Variants in ESRRB observed in about 807,000 individuals in gnomAD.
ESRRB encodes estrogen related receptor beta.
In ESRRB, 16 loss-of-function variants were observed where a neutral mutation model predicts 46.0. The ratio of observed to expected loss-of-function variants is 0.35; its 90% CI spans 0.24 to 0.53. The LOEUF (loss-of-function observed/expected upper bound fraction) is 0.53, where lower values mean the gene tolerates loss of function less well. Among genes scored for constraint, ESRRB ranks in the 20% least tolerant of loss-of-function variants. ESRRB has a pLI of 0.93. For synonymous variants in ESRRB, 246 were observed against 259.6 expected, an observed-to-expected ratio of 0.95 and a Z score of 0.50; for missense variants, 488 against 607.4, an observed-to-expected ratio of 0.80 and a Z score of 2.07.
chr14:76,418,751 G>A (rs1331721892), intron 1 of ESRRB, among the ~76,000 whole-genome samples: 1 of 152,086 alleles, frequency 6.6e-6, no homozygotes, highest in East Asian at 1.9e-4. Flanking sequence ...TAGTAGCTAG[G>A]ATTACGGGTG....
At chr14:76,395,601 A>G (rs1202761836) in intron 1 of ESRRB, among the ~76,000 whole-genome samples, 2 of 152,148 alleles carry the variant, frequency 1.3e-5, no homozygotes, top group South Asian at 2.1e-4. Flanking sequence ...AAGTGGGAAT[A>G]AGAATCCTTC....
chr14:76,346,310 T>C (rs1351947185), intron 1 of ESRRB, among the ~76,000 whole-genome samples: 1 of 152,270 alleles, frequency 6.6e-6, no homozygotes. Flanking sequence ...GGAACTGCTA[T>C]GTGTCCTAAG....
At chr14:76,479,192 C>T (rs1889703378) in intron 3 of ESRRB, among the ~76,000 whole-genome samples, 2 of 151,866 alleles carry the variant, frequency 1.3e-5, no homozygotes, top group African/African-American at 4.8e-5. Flanking sequence ...ACTGCTCCTG[C>T]CCACACCTAC....
chr14:76,353,778 G>T (rs12888057), intron 1 of ESRRB, among the ~76,000 whole-genome samples: 4 of 151,674 alleles, frequency 2.6e-5, no homozygotes, highest in Non-Finnish European at 5.9e-5. Context: ...ATAGTGAGAC[G>T]CTATGTCTCA....
chr14:76,456,932 C>A (rs1175395588), intron 2 of ESRRB, among the ~76,000 whole-genome samples: 1 of 152,166 alleles, frequency 6.6e-6, no homozygotes, highest in Admixed American at 6.5e-5. Context: ...CACCCCAGCC[C>A]TTTCACACCA....
intron 3 of ESRRB, among the ~76,000 whole-genome samples, chr14:76,468,409 C>CG: frequency 9.6e-6 from 1 of 104,602 alleles, no homozygotes; most frequent in African/African-American, 4.0e-5. Flanking sequence ...CCAACACCAC[C>CG]ACCCCCCAAA....
chr14:76,489,716 C>T (rs953819949), intron 5 of ESRRB, among the ~76,000 whole-genome samples: 12 of 152,112 alleles, frequency 7.9e-5, no homozygotes, highest in Admixed American at 3.9e-4. Flanking sequence ...CCAGGAGTGA[C>T]CCCTAAGGTT....
chr14:76,445,736 G>T (rs80299637), intron 2 of ESRRB, among the ~76,000 whole-genome samples: 7,552 of 149,042 alleles, frequency 0.051, 618 homozygotes, highest in African/African-American at 0.18. Flanking sequence ...CCAGGCTGGA[G>T]TTCAGTGGAG....
chr14:76,493,329 A>C (rs1463717385), intron 6 of ESRRB, among the ~76,000 whole-genome samples: 1 of 151,842 alleles, frequency 6.6e-6, no homozygotes, highest in African/African-American at 2.4e-5. Flanking sequence ...TAATTTTTGT[A>C]TTTTTAGTAG....
At chr14:76,404,100 G>T (rs1485538053) in intron 1 of ESRRB, among the ~76,000 whole-genome samples, 7 of 152,094 alleles carry the variant, frequency 4.6e-5, no homozygotes, top group African/African-American at 1.7e-4. Flanking sequence ...TGTGCTTTCT[G>T]TCTATCTGCT....
At position 76,501,652 on chromosome 14, in the gene ESRRB, T is replaced by C. The variant is rs564405094; in HGVS notation, c.*3194T>C. On this transcript the variant is annotated 3_prime_UTR_variant, in exon 7 of 7. Transcript: ENST00000644823. The stretch of plus-strand genomic sequence containing the variant: ...GTTTTATTTTCTAATAATGATAATA[T>C]GGCTGGAATGGCTTCTTAAGATGTA... 1.3e-5 allele frequency: 2 copies of C among 152,322 alleles called. No homozygotes were observed. The highest frequency in any genetic ancestry group is 4.8e-5 in the African/African-American group (2 of 41,568). 9.4% of individuals were successfully genotyped at this position (152,322 alleles called of 1,614,324 possible).
intron 1 of ESRRB, among the ~76,000 whole-genome samples, chr14:76,384,143 C>A (rs991979601): frequency 6.6e-6 from 1 of 152,008 alleles, no homozygotes; most frequent in Non-Finnish European, 1.5e-5. Context: ...GCATGCAGAG[C>A]GCAGTATTTA....
chr14:76,363,543 T>G (rs1353710563), intron 1 of ESRRB, among the ~76,000 whole-genome samples: 1 of 152,218 alleles, frequency 6.6e-6, no homozygotes, highest in Non-Finnish European at 1.5e-5. Flanking sequence ...TTATATTCCT[T>G]TTCTCATTTT....
chr14:76,367,949 C>CTTTTTT (rs778235037), upstream of ESRRB, among the ~76,000 whole-genome samples: 11 of 95,284 alleles, frequency 1.2e-4, no homozygotes, highest in Admixed American at 2.7e-4. Context: ...TTCCAGTTTG[C>CTTTTTT]TTTTTTTTTT....
At chr14:76,456,645 C>G (rs74068681) in intron 2 of ESRRB, among the ~76,000 whole-genome samples, 10,007 of 152,206 alleles carry the variant, frequency 0.066, 778 homozygotes, top group African/African-American at 0.2. Flanking sequence ...GTAAGAGGAA[C>G]AGGCTGGATG....
chr14:76,332,610 A>T lies in ESRRB; in HGVS notation c.2+21694A>T, dbSNP rs866856701. On this transcript the variant is annotated intron_variant, in intron 1 of 6. Transcript: ENST00000512784. ...TTTATATATTATATATTATATATTT[A>T]TATATTATATAAATATATATTATAT... 3.8e-4 allele frequency among the ~76,000 whole-genome samples: 17 copies of T among 44,744 alleles called. No homozygotes were observed. The South Asian group carries it at 8.1e-3, about 21-fold the overall frequency. The allele number at this position is 44,744 out of a possible 152,430, so 29.4% of individuals were successfully genotyped here.
At chr14:76,345,750 G>A (rs1181939759) in intron 1 of ESRRB, among the ~76,000 whole-genome samples, 1 of 152,252 alleles carries the variant, frequency 6.6e-6, no homozygotes, top group Non-Finnish European at 1.5e-5. Context: ...CTGCTCTGTA[G>A]AGGAGGAGTT....
At chr14:76,318,520 G>A (rs1192621772) in intron 1 of ESRRB, among the ~76,000 whole-genome samples, 3 of 152,190 alleles carry the variant, frequency 2.0e-5, no homozygotes, top group Non-Finnish European at 4.4e-5. Flanking sequence ...AGGCTTCAGC[G>A]CCAAGCTACT....
chr14:76,456,085 AG>A (rs148771979), intron 2 of ESRRB, among the ~76,000 whole-genome samples: 26,679 of 147,338 alleles, frequency 0.18, 2,465 homozygotes, highest in Middle Eastern at 0.24. Flanking sequence ...CACAAAAGAA[AG>A]AAAAGAAAAG....
Sources: allele counts gnomAD v4.1 joint callset (sites outside exome capture counted in the v4.1 genomes callset), GRCh38; gene constraint gnomAD v4.1.1; transcripts MANE v1.5; gene names NCBI Gene and HGNC (gene_info 2026-07-23, HGNC 2026-07-21).